The following ZNF518B variants were observed in gnomAD, a reference collection of about 807,000 sequenced individuals.
The protein encoded by ZNF518B is zinc finger protein 518B.
Under a neutral mutation model 56.3 loss-of-function variants are expected in ZNF518B, and 23 were observed. That is an observed-to-expected ratio of 0.41 (90% CI 0.29 to 0.58). The LOEUF (loss-of-function observed/expected upper bound fraction) is 0.58, where lower values mean the gene tolerates loss of function less well. Ranked by LOEUF, ZNF518B falls within the 20% of genes least tolerant of loss-of-function variation. The probability of loss-of-function intolerance (pLI) is 0.32; values close to 1 mark genes in which losing one functional copy is unlikely to be tolerated. For synonymous variants in ZNF518B, 529 were observed against 465.9 expected (o/e 1.14, Z -1.74); for missense variants, 1,460 against 1,272.1 (o/e 1.15, Z -2.25).
In ZNF518B at chr4:10,441,203, CATT is replaced by C. The variant is rs1195634838; in HGVS notation, c.*1898_*1900del. 1.3e-5 allele frequency: 2 copies of C among 152,420 alleles called. No individual in the cohort carries two copies. The highest frequency in any genetic ancestry group is 2.9e-5 in the Non-Finnish European group (2 of 68,004). The allele number at this position is 152,420 out of a possible 1,614,324, so 9.4% of individuals were successfully genotyped here. ...TTCTACATTTTTCCAGCCCATGTATCATTATAAAATAGGAAATCAGAAAATTAG... is the reference window on the plus strand; with the variant it reads ...TTCTACATTTTTCCAGCCCATGTATCATAAAATAGGAAATCAGAAAATTAG... On this transcript the variant is annotated 3_prime_UTR_variant, in exon 3 of 3. Coordinates refer to ENST00000326756, the MANE Select transcript of ZNF518B (RefSeq NM_053042.3).
chr4:10,444,356 T>C lies in ZNF518B; in HGVS notation c.1973A>G (p.Lys658Arg). 1 of 1,614,204 alleles carries C rather than the reference T, an allele frequency of 6.2e-7. No individual in the cohort carries two copies. The highest frequency in any genetic ancestry group is 8.5e-7 in the Non-Finnish European group (1 of 1,180,042). Residue 658 changes from lysine to arginine, a missense_variant, in exon 3 of 3, where the codon AAA becomes AGA. Lys to Arg is a conservative substitution (Grantham distance 26, BLOSUM62 2). Coordinates refer to ENST00000326756, the MANE Select transcript of ZNF518B (RefSeq NM_053042.3). The stretch of plus-strand genomic sequence containing the variant: ...GCGCAACAGTTCAATTGACTTTATT[T>C]TAGACGTTGAGCTATTCCACTTAAT... ...EGIKWNSSTS[K>R]IKSIELLRRK...
Position 10,446,219 on chromosome 4 carries a change from C to G in ZNF518B, c.110G>C (p.Arg37Thr), listed in dbSNP as rs1291291227. ...PDANGAPRPNRQEAQTLLYQG... is the reference protein window; with the variant it reads ...PDANGAPRPNTQEAQTLLYQG... ...ATACAAAAGGGTTTGTGCTTCTTGT[C>G]TATTTGGCCGAGGTGCTCCATTAGC... is the stretch of plus-strand genomic sequence containing the variant. Residue 37 changes from arginine (R) to threonine (T), a missense_variant, in exon 3 of 3, where the codon AGA (arginine) becomes ACA (threonine). Arg to Thr is a moderately conservative substitution (Grantham distance 71). Coordinates refer to ENST00000326756, the MANE Select transcript of ZNF518B (RefSeq NM_053042.3). 1 of 1,614,074 alleles carries G rather than the reference C, an allele frequency of 6.2e-7. No individual in the cohort carries two copies. Among genetic ancestry groups the G allele is most frequent in the African/African-American group, 1.3e-5 (1 of 74,930 alleles).
chr4:10,460,304 C>CAAAA (rs1210892613), upstream of ZNF518B, among the ~76,000 whole-genome samples: 2 of 8,796 alleles, frequency 2.3e-4, no homozygotes, highest in African/African-American at 7.5e-4. Flanking sequence ...GACTCTGTCT[C>CAAAA]AAAAAAAAAA....
intron 2 of ZNF518B, among the ~76,000 whole-genome samples, chr4:10,447,756 TCTC>T (rs1715130491): frequency 6.6e-6 from 1 of 150,660 alleles, no homozygotes; most frequent in Admixed American, 6.6e-5. Context: ...TTCAAGCAAT[TCTC>T]CTGCCTCAGC....
Position 10,446,051 on chromosome 4 carries a change from G to A in ZNF518B, c.278C>T (p.Ala93Val). The A allele has an allele frequency of 6.2e-7, 1 of 1,614,064 alleles. No homozygotes were observed. The highest frequency in any genetic ancestry group is 8.5e-7 in the Non-Finnish European group (1 of 1,180,018). ...CACAAAATGAAAATTGGGAGGAGCT[G>A]CACCGAGGCTGCACTGGAAGCAGAC... is the stretch of plus-strand genomic sequence containing the variant. ...MYVCFQCSLG[A>V]APPNFHFVSN... is the part of the protein sequence containing the mutation. The change falls in exon 3 of 3, where the codon GCA becomes GTA. Residue 93 changes from alanine to valine, a missense_variant. By Grantham distance (64) the Ala-to-Val change is moderately conservative. Transcript: ENST00000326756.
At chr4:10,460,297 T>A (rs1715699752), upstream of ZNF518B, among the ~76,000 whole-genome samples, 2 of 71,128 alleles carry the variant, frequency 2.8e-5, 1 homozygote, top group South Asian at 1.2e-3. Context: ...AGGGCAAGAC[T>A]CTGTCTCAAA....
In ZNF518B at chr4:10,441,216, G is replaced by A. The variant is rs1714660646; in HGVS notation, c.*1888C>T. On this transcript the variant is annotated 3_prime_UTR_variant, in exon 3 of 3. Coordinates refer to ENST00000326756, the MANE Select transcript of ZNF518B (RefSeq NM_053042.3). ...CAGCCCATGTATCATTATAAAATAG[G>A]AAATCAGAAAATTAGCTACTGCAAT... 1 of 152,270 alleles carries A rather than the reference G, an allele frequency of 6.6e-6. No individual in the cohort carries two copies. 9.4% of individuals were successfully genotyped at this position (152,270 alleles called of 1,614,324 possible).
At chr4:10,450,456 A>G (rs1161429548) in intron 2 of ZNF518B, among the ~76,000 whole-genome samples, 1 of 152,200 alleles carries the variant, frequency 6.6e-6, no homozygotes, top group African/African-American at 2.4e-5. Context: ...CTCAGATGTA[A>G]TACTCCAAGA....
chr4:10,444,108 G>GTTA lies in ZNF518B; in HGVS notation c.2220_2221insTAA (p.Thr740_His741insTer), dbSNP rs1328785885. The stretch of plus-strand genomic sequence containing the variant: ...GCAAAGTGTGGATATATTTGTTGAT[G>GTTA]AGTAAGCTGTCTATTACCAGTAATA... On this transcript the variant is annotated stop_gained and inframe_insertion, in exon 3 of 3. Coordinates refer to ENST00000326756, the MANE Select transcript of ZNF518B (RefSeq NM_053042.3). LOFTEE classifies it high-confidence loss of function. 6.2e-7 allele frequency: 1 copy of GTTA among 1,614,076 alleles called. No homozygotes were observed. The highest frequency in any genetic ancestry group is 8.5e-7 in the Non-Finnish European group (1 of 1,180,040).
rs1714598904 is a variant in ZNF518B at position 10,439,994 on chromosome 4, A to C, written c.*3110T>G. The stretch of plus-strand genomic sequence containing the variant: ...CAGCAGACACACAAACTGTTAACAC[A>C]GGAATTACAATAATGCTTAAAACAT... On this transcript the variant is annotated 3_prime_UTR_variant, in exon 3 of 3. Transcript: ENST00000326756. 6.5e-6 allele frequency: 1 copy of C among 152,674 alleles called. No homozygotes were observed. The highest frequency in any genetic ancestry group is 2.4e-5 in the African/African-American group (1 of 41,482). The allele number at this position is 152,674 out of a possible 1,614,324, so 9.5% of individuals were successfully genotyped here. A position where few individuals can be genotyped will look rare whatever the true frequency, so the allele number is the denominator to read the frequency against.
chr4:10,455,817 C>G lies in ZNF518B; in HGVS notation c.-395-829G>C, dbSNP rs537210909. Among the ~76,000 whole-genome samples, 3 of 152,274 alleles carry G rather than the reference C, an allele frequency of 2.0e-5. No homozygotes were observed. The East Asian group carries it at 5.8e-4, about 29-fold the overall frequency. ...TAAATTTGATCCAAGATGAAAGTAA[C>G]TTTTAAAAATTGCATCCTAGTTAAA... On this transcript the variant is annotated intron_variant, in intron 1 of 2. Transcript: ENST00000326756.
upstream of ZNF518B, among the ~76,000 whole-genome samples, chr4:10,461,359 G>A: frequency 6.6e-6 from 1 of 152,196 alleles, no homozygotes; most frequent in African/African-American, 2.4e-5. Flanking sequence ...CGCGCAGTGA[G>A]GCTAGTGGGG....
intron 1 of ZNF518B, 37 bp downstream of exon 1, chr4:10,457,280 G>A (rs1715582753): frequency 6.6e-6 from 1 of 151,696 alleles, no homozygotes; most frequent in Non-Finnish European, 1.5e-5. Flanking sequence ...CGTACACGCG[G>A]ATCCGGGGGC....
At position 10,446,253 on chromosome 4, in the gene ZNF518B, G is replaced by C; in HGVS notation, c.76C>G (p.Gln26Glu). The change falls in exon 3 of 3, where the codon CAG (glutamine) becomes GAG (glutamate). Residue 26 changes from glutamine to glutamate, a missense_variant. Transcript: ENST00000326756. ...CGAGGTGCTCCATTAGCATCAGGCT[G>C]TTTGGGTGACATGGTCAAGGAATTA... ...GHNSLTMSPKQPDANGAPRPN... is the reference protein window; with the variant it reads ...GHNSLTMSPKEPDANGAPRPN... 2 of 1,614,206 alleles carry C rather than the reference G, an allele frequency of 1.2e-6. No individual in the cohort carries two copies. The highest frequency in any genetic ancestry group is 1.7e-6 in the Non-Finnish European group (2 of 1,180,028).
chr4:10,446,760 C>T (rs1715076681), intron 2 of ZNF518B, among the ~76,000 whole-genome samples: 1 of 152,210 alleles, frequency 6.6e-6, no homozygotes, highest in South Asian at 2.1e-4. Flanking sequence ...TTAGCCAAAT[C>T]ATGAATGAAC....
At chr4:10,454,091 G>A (rs1369066677) in intron 2 of ZNF518B, 1 of 152,228 alleles carries the variant, frequency 6.6e-6, no homozygotes, top group Middle Eastern at 3.2e-3. Flanking sequence ...TGATACTACA[G>A]GTGCAGGTGC....
chr4:10,450,696 C>T (rs1248269719), intron 2 of ZNF518B, among the ~76,000 whole-genome samples: 1 of 152,100 alleles, frequency 6.6e-6, no homozygotes, highest in Non-Finnish European at 1.5e-5. Flanking sequence ...CAAAAAGACA[C>T]CGGAGACAAA....
At chr4:10,459,419 AC>A (rs540807624), upstream of ZNF518B, among the ~76,000 whole-genome samples, 113 of 151,616 alleles carry the variant, frequency 7.5e-4, no homozygotes, top group African/African-American at 2.6e-3. Context: ...CTTCTTCTCC[AC>A]CCCCCAGCTT....
Position 10,443,699 on chromosome 4 carries a change from CCTTG to C in ZNF518B, c.2626_2629del (p.Gln876GlyfsTer10). On this transcript the variant is annotated frameshift_variant, in exon 3 of 3. Transcript: ENST00000326756. LOFTEE classifies it high-confidence loss of function. Reference sequence around the variant, plus strand: ...AGAAAGACTTCTGGAAAGCAGTCTCCCTTGCTTATTTAATTCACTGCTTCCTTGC... The same window carrying C: ...AGAAAGACTTCTGGAAAGCAGTCTCCCTTATTTAATTCACTGCTTCCTTGC... The C allele has an allele frequency of 6.2e-7, 1 of 1,614,038 alleles. No homozygotes were observed. Among genetic ancestry groups the C allele is most frequent in the Non-Finnish European group, 8.5e-7 (1 of 1,180,016 alleles).
Sources: allele counts gnomAD v4.1 joint callset (sites outside exome capture counted in the v4.1 genomes callset), GRCh38; gene constraint gnomAD v4.1.1; transcripts MANE v1.5; gene names NCBI Gene and HGNC (gene_info 2026-07-23, HGNC 2026-07-21).